Variants in CYP7B1 observed in about 807,000 individuals in gnomAD.
CYP7B1 encodes cytochrome P450 family 7 subfamily B member 1.
Under a neutral mutation model 42.7 loss-of-function variants are expected in CYP7B1, and 29 were observed. The ratio of observed to expected loss-of-function variants is 0.68; its 90% confidence interval spans 0.51 to 0.93. The LOEUF (loss-of-function observed/expected upper bound fraction) is 0.93, where lower values mean the gene tolerates loss of function less well. Ranked by LOEUF, CYP7B1 falls within the 40% of genes least tolerant of loss-of-function variation. The pLI, the probability that CYP7B1 is intolerant of heterozygous loss-of-function variation, is 0.00. For synonymous variants in CYP7B1, 235 were observed against 218.2 expected (o/e 1.08, Z -0.68); for missense variants, 655 against 600.5 (o/e 1.09, Z -0.95).
intron 1 of CYP7B1, among the ~76,000 whole-genome samples, chr8:64,672,359 A>G (rs1309402373): frequency 6.6e-6 from 1 of 152,148 alleles, no homozygotes; most frequent in Non-Finnish European, 1.5e-5. Flanking sequence ...TGAAAGCAAT[A>G]TAGACATGAC....
chr8:64,735,747 G>T (rs2129633172), intron 1 of CYP7B1, among the ~76,000 whole-genome samples: 1 of 152,264 alleles, frequency 6.6e-6, no homozygotes, highest in East Asian at 1.9e-4. Context: ...CAATGAGAAT[G>T]GGATCTGTGG....
intron 1 of CYP7B1, among the ~76,000 whole-genome samples, chr8:64,738,548 G>GCA (rs147173746): frequency 5.3e-4 from 78 of 148,340 alleles, no homozygotes; most frequent in South Asian, 1.5e-3. Flanking sequence ...ACACACACAC[G>GCA]CACACACACA....
chr8:64,764,774 C>A (rs10112945), intron 1 of CYP7B1, among the ~76,000 whole-genome samples: 96,876 of 151,982 alleles, frequency 0.64, 33,044 homozygotes, highest in East Asian at 0.81. Flanking sequence ...TATCCTAAGT[C>A]AAAAAGCAAA....
At chr8:64,719,855 C>T (rs942861665) in intron 1 of CYP7B1, among the ~76,000 whole-genome samples, 1 of 152,184 alleles carries the variant, frequency 6.6e-6, no homozygotes, top group Non-Finnish European at 1.5e-5. Context: ...AGATGAAAGG[C>T]ACATTACCCA....
At chr8:64,758,107 T>C (rs1316590090) in intron 1 of CYP7B1, among the ~76,000 whole-genome samples, 2 of 152,154 alleles carry the variant, frequency 1.3e-5, no homozygotes, top group African/African-American at 2.4e-5. Flanking sequence ...TTCAGGGGAA[T>C]GCAGGCTAAG....
intron 1 of CYP7B1, among the ~76,000 whole-genome samples, chr8:64,777,589 C>T (rs1384432507): frequency 6.6e-6 from 1 of 152,058 alleles, no homozygotes; most frequent in Non-Finnish European, 1.5e-5. Context: ...ATCACATTGT[C>T]ATTACAACTT....
chr8:64,615,756 T>C lies in CYP7B1; in HGVS notation c.785A>G (p.Glu262Gly), dbSNP rs887036310. 1 of 1,613,802 alleles carries C rather than the reference T, an allele frequency of 6.2e-7. No individual in the cohort carries two copies. The highest frequency in any genetic ancestry group is 1.3e-5 in the African/African-American group (1 of 75,014). Residue 262 changes from glutamate to glycine, a missense_variant, in exon 3 of 6, where the codon GAA becomes GGA. Physicochemically the swap from Glu to Gly is moderately conservative, Grantham distance 98 (BLOSUM62 -2). Coordinates refer to ENST00000310193, the MANE Select transcript of CYP7B1 (RefSeq NM_004820.5). ...EKLAKMQGWS[E>G]VFQSRQDVLE... ...GACATCTTGCCTGCTTTGAAAAACT[T>C]CTGACCATCCTTGCATCTTGGCTAA...
chr8:64,596,884 T>C lies in CYP7B1; in HGVS notation c.1279A>G (p.Thr427Ala). Reference protein sequence around the residue: ...RFIEDGKKKTTFFKRGKKLKC... With the variant: ...RFIEDGKKKTAFFKRGKKLKC... ...AGCTTTTTCCCTCTTTTGAAAAAGG[T>C]GGTTTTCTTCTTACCATCTTCTATA... Residue 427 changes from threonine to alanine, a missense_variant, in exon 6 of 6, where the codon ACC becomes GCC. By Grantham distance (58) the Thr-to-Ala change is moderately conservative. Transcript: ENST00000310193. 6.2e-7 allele frequency: 1 copy of C among 1,613,626 alleles called. No individual in the cohort carries two copies. The highest frequency in any genetic ancestry group is 8.5e-7 in the Non-Finnish European group (1 of 1,179,714).
intron 1 of CYP7B1, among the ~76,000 whole-genome samples, chr8:64,760,836 A>T: frequency 6.6e-6 from 1 of 152,148 alleles, no homozygotes; most frequent in South Asian, 2.1e-4. Flanking sequence ...TGATCCAGCC[A>T]TCCCAATACT....
intron 1 of CYP7B1, among the ~76,000 whole-genome samples, chr8:64,737,047 T>C (rs192885061): frequency 2.6e-4 from 39 of 152,328 alleles, no homozygotes; most frequent in Admixed American, 2.2e-3. Flanking sequence ...GAGCTCTCTG[T>C]GTACAGTGAT....
intron 1 of CYP7B1, among the ~76,000 whole-genome samples, chr8:64,789,583 A>T (rs13265049): frequency 0.11 from 16,124 of 152,298 alleles, 1,140 homozygotes; most frequent in Non-Finnish European, 0.16. Flanking sequence ...ACCCTCACCC[A>T]GAGGATATTT....
At chr8:64,792,446 G>A (rs1228884582) in intron 1 of CYP7B1, among the ~76,000 whole-genome samples, 1 of 152,132 alleles carries the variant, frequency 6.6e-6, no homozygotes, top group Admixed American at 6.5e-5. Context: ...GGCATAGCTG[G>A]ACAACTTTTG....
In CYP7B1 at chr8:64,604,838, A is replaced by G; in HGVS notation, c.1077T>C (p.Ala359=). Residue 359 remains alanine, a synonymous_variant, in exon 5 of 6, where the codon GCT becomes GCC. Transcript: ENST00000310193. ...TGGTTGAATATGAGGACAGTCGTAA[A>G]GCTTCAAAAATGCTGCTTTCTGAAG... ...LICLESSIFE[A]LRLSSYSTTI... 6.2e-7 allele frequency: 1 copy of G among 1,614,110 alleles called. No homozygotes were observed. Among genetic ancestry groups the G allele is most frequent in the Non-Finnish European group, 8.5e-7 (1 of 1,180,038 alleles).
intron 1 of CYP7B1, among the ~76,000 whole-genome samples, chr8:64,649,694 A>C (rs1387370909): frequency 6.6e-6 from 1 of 152,212 alleles, no homozygotes; most frequent in Non-Finnish European, 1.5e-5. Context: ...CAAGGATTTC[A>C]ATTTCTCCAC....
Position 64,593,030 on chromosome 8 carries a change from T to G in CYP7B1, c.*3612A>C, listed in dbSNP as rs1161142440. Reference sequence around the variant, plus strand: ...TCCTTACTTTCCATTTCTAAATTCCTGTACACATTTCCAGTTATAAAATAA... The same window carrying G: ...TCCTTACTTTCCATTTCTAAATTCCGGTACACATTTCCAGTTATAAAATAA... On this transcript the variant is annotated 3_prime_UTR_variant, in exon 6 of 6. Coordinates refer to ENST00000310193, the MANE Select transcript of CYP7B1 (RefSeq NM_004820.5). 1.3e-5 allele frequency among the ~76,000 whole-genome samples: 2 copies of G among 152,236 alleles called. No individual in the cohort carries two copies. The highest frequency in any genetic ancestry group is 2.4e-5 in the African/African-American group (1 of 41,466).
In CYP7B1 at chr8:64,594,890, T is replaced by G. The variant is rs970666510; in HGVS notation, c.*1752A>C. ...TTCACAGAGAGAATGGCTGAGAAGA[T>G]TCCATACTTGATGGGAGACACCTGT... On this transcript the variant is annotated 3_prime_UTR_variant, in exon 6 of 6. Coordinates refer to ENST00000310193, the MANE Select transcript of CYP7B1 (RefSeq NM_004820.5). Among the ~76,000 whole-genome samples, 19 of 152,250 alleles carry G rather than the reference T, an allele frequency of 1.2e-4. No homozygotes were observed. The highest frequency in any genetic ancestry group is 3.4e-4 in the African/African-American group (14 of 41,546).
chr8:64,754,464 T>C (rs80261135), intron 1 of CYP7B1, among the ~76,000 whole-genome samples: 3,030 of 152,248 alleles, frequency 0.02, 106 homozygotes, highest in African/African-American at 0.068. Flanking sequence ...AGATAATCTA[T>C]TACATTTAAA....
chr8:64,614,686 A>G (rs1805407745), intron 4 of CYP7B1, among the ~76,000 whole-genome samples: 1 of 152,190 alleles, frequency 6.6e-6, no homozygotes, highest in African/African-American at 2.4e-5. Context: ...ATCCCTAAAT[A>G]CTTCTTGACA....
intron 1 of CYP7B1, among the ~76,000 whole-genome samples, chr8:64,780,565 A>C (rs1804405548): frequency 6.6e-6 from 1 of 152,176 alleles, no homozygotes; most frequent in Admixed American, 6.6e-5. Context: ...ATTGAAAAAA[A>C]TGCCAAACCC....
Sources: allele counts gnomAD v4.1 joint callset (sites outside exome capture counted in the v4.1 genomes callset), GRCh38; gene constraint gnomAD v4.1.1; transcripts MANE v1.5; gene names NCBI Gene and HGNC (gene_info 2026-07-23, HGNC 2026-07-21).